Variants in FNBP1 observed in about 807,000 individuals in gnomAD.
FNBP1 encodes formin-binding protein 1.
A neutral mutation model predicts 90.6 loss-of-function variants in FNBP1; 26 were observed. The ratio of observed to expected loss-of-function variants is 0.29; its 90% CI spans 0.21 to 0.40. The LOEUF (loss-of-function observed/expected upper bound fraction) is 0.40, where lower values mean the gene tolerates loss of function less well. FNBP1 is among the 10% of genes least tolerant of loss of function. FNBP1 has a pLI of 1.00. For missense variants in FNBP1, 635 were observed against 768.0 expected, an observed-to-expected ratio of 0.83 and a Z score of 2.05; for synonymous variants, 260 against 265.2, an observed-to-expected ratio of 0.98 and a Z score of 0.19.
intron 6 of FNBP1, among the ~76,000 whole-genome samples, chr9:129,944,145 C>G (rs923041884): frequency 2.0e-5 from 3 of 152,054 alleles, no homozygotes; most frequent in Non-Finnish European, 4.4e-5. Context: ...AGTCTGCTAA[C>G]TGGGGACTTC....
chr9:129,996,640 C>T (rs893759913), intron 1 of FNBP1, among the ~76,000 whole-genome samples: 3 of 152,182 alleles, frequency 2.0e-5, no homozygotes, highest in Non-Finnish European at 4.4e-5. Flanking sequence ...AGTGTTTAAT[C>T]CTACGCTTGT....
chr9:130,051,438 C>G, the FNBP1 span, among the ~76,000 whole-genome samples: 2 of 152,110 alleles, frequency 1.3e-5, no homozygotes, highest in Admixed American at 6.5e-5. Context: ...ATGTCCAAAC[C>G]GATATCAAAT....
intron 10 of FNBP1, among the ~76,000 whole-genome samples, chr9:129,920,237 A>G (rs1381255638): frequency 6.6e-6 from 1 of 152,198 alleles, no homozygotes; most frequent in Non-Finnish European, 1.5e-5. Flanking sequence ...TGATTATGGT[A>G]AAACAGAGAT....
At chr9:129,948,645 C>T (rs7849791) in intron 6 of FNBP1, among the ~76,000 whole-genome samples, 120,087 of 152,064 alleles carry the variant, frequency 0.79, 47,770 homozygotes, top group East Asian at 0.88. Flanking sequence ...TGGGTTCAAG[C>T]GATTCTCCTG....
chr9:129,909,655 ACT>A (rs1300511301), intron 11 of FNBP1, among the ~76,000 whole-genome samples: 3 of 150,588 alleles, frequency 2.0e-5, no homozygotes, highest in East Asian at 3.9e-4. Context: ...ACAGAGTCTC[ACT>A]CTGTTGCCCA....
In FNBP1 at chr9:129,966,005, C is replaced by T. The variant is rs2048574568; in HGVS notation, c.346-7452G>A. 6.6e-6 allele frequency among the ~76,000 whole-genome samples: 1 copy of T among 152,138 alleles called. No homozygotes were observed. The highest frequency in any genetic ancestry group is 6.6e-5 in the Admixed American group (1 of 15,258). ...TTAGATAGAGTGCCAGGGTGATCAT[C>T]CCATGCTCACTGACATGCCCACTTG... On this transcript the variant is annotated intron_variant, in intron 4 of 16. Transcript: ENST00000446176. The surrounding 1 kb of genome is among the most constrained non-coding windows in gnomAD (Gnocchi z 4.3).
chr9:130,037,181 AC>A (rs1267265485), intron 1 of FNBP1, among the ~76,000 whole-genome samples: 3 of 151,736 alleles, frequency 2.0e-5, no homozygotes, highest in African/African-American at 7.3e-5. Context: ...ACGTGGTGAA[AC>A]CCCATCTCTA....
At chr9:130,034,281 C>A (rs1564625062) in intron 1 of FNBP1, among the ~76,000 whole-genome samples, 1 of 150,120 alleles carries the variant, frequency 6.7e-6, no homozygotes, top group Non-Finnish European at 1.5e-5. Context: ...CCACTGCACT[C>A]CAGCCTGGGC....
intron 11 of FNBP1, among the ~76,000 whole-genome samples, chr9:129,911,414 G>A (rs550704405): frequency 1.4e-4 from 22 of 152,288 alleles, no homozygotes; most frequent in African/African-American, 4.8e-4. Context: ...CTATTAGGAT[G>A]CGATCAGGCA....
chr9:129,935,121 ATTTTTTT>A (rs11410932), intron 6 of FNBP1, among the ~76,000 whole-genome samples: 1 of 127,078 alleles, frequency 7.9e-6, no homozygotes, highest in Non-Finnish European at 1.6e-5. Context: ...TGTTTAGCTC[ATTTTTTT>A]TTTTTTTTTT....
intron 1 of FNBP1, among the ~76,000 whole-genome samples, chr9:130,012,584 A>T (rs2056757480): frequency 6.6e-6 from 1 of 152,168 alleles, no homozygotes; most frequent in Non-Finnish European, 1.5e-5. Context: ...CTTTTAGGAG[A>T]CAATATAGGA....
intron 1 of FNBP1, among the ~76,000 whole-genome samples, chr9:130,035,836 C>T: frequency 6.6e-6 from 1 of 152,106 alleles, no homozygotes; most frequent in East Asian, 1.9e-4. Flanking sequence ...ATCCCAGCTA[C>T]TCGGGAGGCT....
At chr9:130,002,364 C>T (rs929056844) in intron 1 of FNBP1, among the ~76,000 whole-genome samples, 12 of 152,082 alleles carry the variant, frequency 7.9e-5, no homozygotes, top group African/African-American at 2.4e-4. Flanking sequence ...AAATTTGATT[C>T]CCAATGTCAG....
chr9:130,015,555 C>T (rs1359064737), intron 1 of FNBP1, among the ~76,000 whole-genome samples: 3 of 152,236 alleles, frequency 2.0e-5, no homozygotes, highest in Admixed American at 6.5e-5. Context: ...TACACACTCA[C>T]CAACAGTATA....
chr9:129,982,299 T>C (rs1265710024), intron 2 of FNBP1, among the ~76,000 whole-genome samples: 1 of 152,076 alleles, frequency 6.6e-6, no homozygotes, highest in Non-Finnish European at 1.5e-5. Context: ...GGTGAAATCC[T>C]GTCTCTACTA....
chr9:129,997,092 A>T (rs1209485881), intron 1 of FNBP1, among the ~76,000 whole-genome samples: 1 of 151,802 alleles, frequency 6.6e-6, no homozygotes, highest in Non-Finnish European at 1.5e-5. Context: ...TGGGAAGCCA[A>T]GGCGGGTGGA....
At chr9:129,998,604 T>C (rs2131382362) in intron 1 of FNBP1, among the ~76,000 whole-genome samples, 1 of 152,246 alleles carries the variant, frequency 6.6e-6, no homozygotes, top group East Asian at 1.9e-4. Flanking sequence ...AGGTGCCACC[T>C]TGAAAACTTG....
At chr9:129,892,366 GACACACACACACACACAC>G (rs3138855) in intron 16 of FNBP1, among the ~76,000 whole-genome samples, 4 of 103,426 alleles carry the variant, frequency 3.9e-5, no homozygotes, top group South Asian at 3.5e-4. Flanking sequence ...GCACATCGTA[GACACACACACACACACAC>G]ACACACACAC....
intron 1 of FNBP1, among the ~76,000 whole-genome samples, chr9:130,019,371 G>C (rs1247926981): frequency 6.6e-6 from 1 of 151,446 alleles, no homozygotes; most frequent in African/African-American, 2.4e-5. Context: ...CCAGCCAAAT[G>C]ATTTTTTTTG....
Sources: allele counts gnomAD v4.1 joint callset (sites outside exome capture counted in the v4.1 genomes callset), GRCh38; gene constraint gnomAD v4.1.1; non-coding constraint Gnocchi (gnomAD v3.1); transcripts MANE v1.5; gene names NCBI Gene and HGNC (gene_info 2026-07-23, HGNC 2026-07-21).